Variants in SMYD3 observed in about 807,000 individuals in gnomAD.
SMYD3 encodes histone-lysine N-methyltransferase SMYD3.
In SMYD3, 36 loss-of-function variants were observed where a neutral mutation model predicts 57.7. That is an observed-to-expected ratio of 0.62 (90% CI 0.48 to 0.82). SMYD3 has a LOEUF of 0.82. SMYD3 is among the 40% of genes least tolerant of loss of function. The pLI is 0.00. For missense variants in SMYD3, 515 were observed against 538.8 expected (o/e 0.96, Z 0.44); for synonymous variants, 211 against 195.0 (o/e 1.08, Z -0.68).
chr1:246,235,011 A>T (rs1407114701), intron 5 of SMYD3, among the ~76,000 whole-genome samples: 1 of 152,224 alleles, frequency 6.6e-6, no homozygotes, highest in Non-Finnish European at 1.5e-5. Context: ...TGTGGCGTTA[A>T]ATCAAATCTT....
chr1:246,055,421 G>A (rs1435038737), intron 5 of SMYD3, among the ~76,000 whole-genome samples: 1 of 152,004 alleles, frequency 6.6e-6, no homozygotes, highest in Admixed American at 6.6e-5. Context: ...AACATAGCAA[G>A]ACCTAGTCTT....
At chr1:246,451,242 G>A (rs1031330701) in intron 1 of SMYD3, among the ~76,000 whole-genome samples, 1 of 152,096 alleles carries the variant, frequency 6.6e-6, no homozygotes, top group Non-Finnish European at 1.5e-5. Flanking sequence ...GTTATCTTCG[G>A]GAAAGACATT....
intron 5 of SMYD3, among the ~76,000 whole-genome samples, chr1:246,157,306 C>T (rs1397975880): frequency 6.6e-6 from 1 of 152,204 alleles, no homozygotes; most frequent in Non-Finnish European, 1.5e-5. Flanking sequence ...CGATAATTAA[C>T]TCGACAAGAG....
At chr1:245,890,838 T>C (rs1026284962) in intron 8 of SMYD3, among the ~76,000 whole-genome samples, 2 of 152,164 alleles carry the variant, frequency 1.3e-5, no homozygotes, top group Admixed American at 6.5e-5. Flanking sequence ...TGTTGATAGA[T>C]GAATAAAGAA....
chr1:245,848,969 G>T (rs572978970), intron 10 of SMYD3, among the ~76,000 whole-genome samples: 1 of 124,160 alleles, frequency 8.1e-6, no homozygotes, highest in East Asian at 5.6e-4. Flanking sequence ...TCTGAAGACA[G>T]ATCCTGGAAT....
intron 1 of SMYD3, among the ~76,000 whole-genome samples, chr1:246,378,654 T>TATATAC (rs762345349): frequency 7.8e-6 from 1 of 128,672 alleles, no homozygotes; most frequent in Non-Finnish European, 1.6e-5. Flanking sequence ...TATATATATA[T>TATATAC]ACACACACAC....
chr1:245,852,490 AAAG>A (rs1202138602), intron 10 of SMYD3, among the ~76,000 whole-genome samples: 6 of 152,244 alleles, frequency 3.9e-5, no homozygotes, highest in Non-Finnish European at 8.8e-5. Context: ...TGTTCCAAGA[AAAG>A]AAGAGCCAGA....
At chr1:245,807,991 TCTC>T (rs1203569555) in intron 10 of SMYD3, among the ~76,000 whole-genome samples, 4 of 152,120 alleles carry the variant, frequency 2.6e-5, no homozygotes, top group Non-Finnish European at 5.9e-5. Context: ...TTGAGAGTAT[TCTC>T]CTCTTCTGCC....
At chr1:245,762,481 C>A (rs1161520651) in intron 11 of SMYD3, among the ~76,000 whole-genome samples, 1 of 152,140 alleles carries the variant, frequency 6.6e-6, no homozygotes, top group Non-Finnish European at 1.5e-5. Flanking sequence ...ATTTGCTGTA[C>A]CTTGCTGATT....
chr1:246,385,796 G>T (rs369159313), intron 1 of SMYD3, among the ~76,000 whole-genome samples: 59 of 151,796 alleles, frequency 3.9e-4, no homozygotes, highest in African/African-American at 1.3e-3. Context: ...TAACTCAGTA[G>T]GTCTGAAAGT....
chr1:245,860,920 C>G (rs879651190), intron 9 of SMYD3, among the ~76,000 whole-genome samples: 14 of 152,208 alleles, frequency 9.2e-5, no homozygotes, highest in Admixed American at 1.3e-4. Flanking sequence ...TTGACCTCCA[C>G]TATTATTTGC....
At chr1:245,884,419 G>T (rs115081774) in intron 8 of SMYD3, among the ~76,000 whole-genome samples, 2,195 of 152,220 alleles carry the variant, frequency 0.014, 54 homozygotes, top group African/African-American at 0.049. Context: ...TGGTCCTTCC[G>T]GTTTTGTGGT....
At chr1:246,204,734 A>G (rs1355263287) in intron 5 of SMYD3, among the ~76,000 whole-genome samples, 1 of 152,176 alleles carries the variant, frequency 6.6e-6, no homozygotes, top group African/African-American at 2.4e-5. Flanking sequence ...ATTTACCCAA[A>G]AGGTCCATTT....
intron 5 of SMYD3, among the ~76,000 whole-genome samples, chr1:246,192,135 G>A (rs760691046): frequency 1.3e-5 from 2 of 152,150 alleles, no homozygotes; most frequent in Non-Finnish European, 2.9e-5. Flanking sequence ...GTGTCACTCT[G>A]TCACCCAGGC....
At chr1:246,255,947 T>C (rs544749468) in intron 5 of SMYD3, among the ~76,000 whole-genome samples, 9 of 149,608 alleles carry the variant, frequency 6.0e-5, no homozygotes, top group Non-Finnish European at 1.2e-4. Context: ...GATAGATAGA[T>C]AGATAGATAG....
intron 5 of SMYD3, among the ~76,000 whole-genome samples, chr1:246,045,378 G>C (rs1203099960): frequency 6.6e-6 from 1 of 152,050 alleles, no homozygotes; most frequent in African/African-American, 2.4e-5. Context: ...AGAAGAAATG[G>C]GGAAAGGATT....
rs141679141 is a variant in SMYD3 at position 246,215,220 on chromosome 1, A to G, written c.531+111981T>C. On this transcript the variant is annotated intron_variant, in intron 5 of 11. Coordinates refer to ENST00000490107, the MANE Select transcript of SMYD3 (RefSeq NM_001167740.2). ...AATAAAACAGTTTCGCAATCTCTTC[A>G]CTAAATACATCTTTGTTTGCATGGT... is the stretch of plus-strand genomic sequence containing the variant. Among the ~76,000 whole-genome samples, 1,383 of 152,242 alleles carry G rather than the reference A, an allele frequency of 9.1e-3. 6 individuals carry two copies. Among genetic ancestry groups the G allele is most frequent in the Non-Finnish European group, 0.015 (1,034 of 68,014 alleles).
At chr1:245,845,509 A>G (rs1432606382) in intron 10 of SMYD3, among the ~76,000 whole-genome samples, 1 of 152,208 alleles carries the variant, frequency 6.6e-6, no homozygotes, top group Non-Finnish European at 1.5e-5. Flanking sequence ...ACACACTGCC[A>G]TCAGGTACAT....
intron 8 of SMYD3, among the ~76,000 whole-genome samples, chr1:245,914,912 T>TA (rs1468934539): frequency 6.6e-6 from 1 of 152,018 alleles, no homozygotes; most frequent in Non-Finnish European, 1.5e-5. Flanking sequence ...ACTATAAGGA[T>TA]AAAAAACAGA....
Sources: gnomAD v4.1 joint callset for allele counts (sites outside exome capture counted in the v4.1 genomes callset) on GRCh38, gnomAD v4.1.1 for gene constraint, MANE v1.5 for transcripts, NCBI Gene and HGNC (gene_info 2026-07-23, HGNC 2026-07-21) for gene names.